GNB1: variants seen among roughly 807,000 people sequenced by gnomAD.
The protein encoded by GNB1 is guanine nucleotide-binding protein G(I)/G(S)/G(T) subunit beta-1.
A neutral mutation model predicts 42.9 loss-of-function variants in GNB1; 2 were observed. That is an observed-to-expected ratio of 0.05 (90% CI 0.02 to 0.15). The LOEUF is 0.15. GNB1 is among the 10% of genes least tolerant of loss of function. GNB1 has a pLI of 1.00. For missense variants in GNB1, 193 were observed against 462.2 expected (o/e 0.42, Z 5.34); for synonymous variants, 183 against 174.7 (o/e 1.05, Z -0.38).
In GNB1 at chr1:1,848,357, C is replaced by CA. The variant is rs56979938; in HGVS notation, c.-95-9120dup. ...CTGAGCCATTGCACTCCAGCCCAGG[C>CA]AAAAAAAAAAAAAAAAAGAAAAAGA... On this transcript the variant is annotated intron_variant, in intron 1 of 11. Transcript: ENST00000378609. 7.1e-3 allele frequency among the ~76,000 whole-genome samples: 667 copies of CA among 94,268 alleles called. 5 individuals are homozygous for CA. The highest frequency in any genetic ancestry group is 0.031 in the South Asian group (95 of 3,098). The allele number at this position is 94,268 out of a possible 152,430, so 61.8% of individuals were successfully genotyped here.
At chr1:1,809,095 C>G (rs1278568904) in intron 5 of GNB1, among the ~76,000 whole-genome samples, 1 of 151,488 alleles carries the variant, frequency 6.6e-6, no homozygotes, top group Non-Finnish European at 1.5e-5. Flanking sequence ...AGTTTAAGAA[C>G]AAATAAAAAC....
At chr1:1,809,736 G>C (rs1184635190) in intron 5 of GNB1, among the ~76,000 whole-genome samples, 1 of 152,140 alleles carries the variant, frequency 6.6e-6, no homozygotes, top group Non-Finnish European at 1.5e-5. Context: ...CAGAAGGTGA[G>C]AGAAGACATG....
Position 1,806,550 on chromosome 1 carries a change from G to C in GNB1, c.204-12C>G, listed in dbSNP as rs1276104214. ...CACTGACGAGAAGCCTGGAGGGACA[G>C]ACAAAAGCAAACCTATCAGTACCGC... On this transcript the variant is annotated splice_polypyrimidine_tract_variant and intron_variant, in intron 5 of 11. Coordinates refer to ENST00000378609, the MANE Select transcript of GNB1 (RefSeq NM_002074.5). 3 of 1,593,998 alleles carry C rather than the reference G, an allele frequency of 1.9e-6. No individual in the cohort carries two copies. The Admixed American group carries it at 5.0e-5, about 27-fold the overall frequency.
At chr1:1,847,005 A>G (rs1647703755) in intron 1 of GNB1, among the ~76,000 whole-genome samples, 2 of 152,218 alleles carry the variant, frequency 1.3e-5, no homozygotes, top group Non-Finnish European at 2.9e-5. Flanking sequence ...CCCAGATGCC[A>G]TGAAGAAAAT....
chr1:1,855,961 C>T (rs567071024), intron 1 of GNB1, among the ~76,000 whole-genome samples: 1 of 152,366 alleles, frequency 6.6e-6, no homozygotes, highest in Non-Finnish European at 1.5e-5. Flanking sequence ...TACCTTTTCA[C>T]CACTGTGTTC....
intron 1 of GNB1, among the ~76,000 whole-genome samples, chr1:1,845,962 T>A (rs1311770401): frequency 6.6e-6 from 1 of 151,672 alleles, no homozygotes; most frequent in Non-Finnish European, 1.5e-5. Flanking sequence ...TAAAAACGGT[T>A]CCCTTTAAAA....
At chr1:1,874,297 T>A (rs1048381913) in intron 1 of GNB1, among the ~76,000 whole-genome samples, 44 of 152,036 alleles carry the variant, frequency 2.9e-4, no homozygotes, top group Non-Finnish European at 5.6e-4. Context: ...GGCAAAACCC[T>A]GTCTCTACTA....
chr1:1,836,957 G>C (rs1647159663), intron 2 of GNB1, among the ~76,000 whole-genome samples: 3 of 151,516 alleles, frequency 2.0e-5, no homozygotes, highest in Admixed American at 2.0e-4. Context: ...AAAGTGCTGG[G>C]ATTACAGGTG....
At chr1:1,842,282 T>C (rs897545602) in intron 1 of GNB1, among the ~76,000 whole-genome samples, 13 of 152,110 alleles carry the variant, frequency 8.5e-5, no homozygotes, top group African/African-American at 2.6e-4. Context: ...TACAAAAAAT[T>C]AGCCGGGCAT....
chr1:1,862,916 T>C (rs987471589), intron 1 of GNB1, among the ~76,000 whole-genome samples: 3 of 152,124 alleles, frequency 2.0e-5, no homozygotes, highest in Non-Finnish European at 4.4e-5. Flanking sequence ...TGAACTGCAG[T>C]GGTGCTGAAG....
intron 1 of GNB1, among the ~76,000 whole-genome samples, chr1:1,865,215 T>C (rs1648860008): frequency 7.3e-6 from 1 of 137,310 alleles, no homozygotes; most frequent in Admixed American, 7.9e-5. Context: ...TGAGCAGAGA[T>C]CACGCCACAG....
chr1:1,874,830 G>A (rs1288011628), intron 1 of GNB1, among the ~76,000 whole-genome samples: 6 of 151,660 alleles, frequency 4.0e-5, no homozygotes, highest in East Asian at 1.9e-4. Flanking sequence ...CCTGAGCTTC[G>A]TTCTGTGAAG....
chr1:1,815,711 G>A (rs759899965), intron 5 of GNB1, 45 bp downstream of exon 5: 1 of 1,003,714 alleles, frequency 1.0e-6, no homozygotes, highest in East Asian at 2.4e-5. Flanking sequence ...CAACAGAGCA[G>A]CCCCTGAATG....
chr1:1,877,906 T>A (rs1649637781), intron 1 of GNB1, among the ~76,000 whole-genome samples: 2 of 152,230 alleles, frequency 1.3e-5, no homozygotes, highest in Non-Finnish European at 2.9e-5. Flanking sequence ...AAACTGTTGG[T>A]AACTGTTTTC....
intron 1 of GNB1, among the ~76,000 whole-genome samples, chr1:1,863,183 G>A (rs999848784): frequency 4.6e-5 from 7 of 152,138 alleles, no homozygotes; most frequent in African/African-American, 1.7e-4. Flanking sequence ...GGGCTGTAGA[G>A]GTTTTCCAAC....
Position 1,804,442 on chromosome 1 carries a change from C to G in GNB1, c.407G>C (p.Ser136Thr), listed in dbSNP as rs1231913780. The change falls in exon 7 of 12, where the codon AGT (serine) becomes ACT (threonine). Residue 136 changes from serine (S) to threonine (T), a missense_variant. Coordinates refer to ENST00000378609, the MANE Select transcript of GNB1 (RefSeq NM_002074.5). The part of the protein sequence containing the change: ...LKTREGNVRV[S>T]RELAGHTGYL... ...ACCTGTGTGTCCTGCCAGCTCACGA[C>G]TCACGCGCACGTTCCCCTCACGAGT... The G allele has an allele frequency of 6.2e-7, 1 of 1,613,768 alleles. No homozygotes were observed. Among genetic ancestry groups the G allele is most frequent in the Non-Finnish European group, 8.5e-7 (1 of 1,179,830 alleles).
intron 4 of GNB1, 168 bp downstream of exon 4, chr1:1,817,668 CT>C (rs1320052223): frequency 7.3e-6 from 4 of 545,990 alleles, no homozygotes; most frequent in Non-Finnish European, 1.3e-5. Context: ...CAATAAGCCC[CT>C]CTATTTCCTA....
At chr1:1,866,736 C>T (rs1194880) in intron 1 of GNB1, among the ~76,000 whole-genome samples, 5 of 151,572 alleles carry the variant, frequency 3.3e-5, no homozygotes, top group Non-Finnish European at 4.4e-5. Context: ...GGGCAGATCA[C>T]GAGGTCAGGA....
intron 1 of GNB1, among the ~76,000 whole-genome samples, chr1:1,852,646 T>C (rs1227817742): frequency 6.6e-6 from 1 of 151,192 alleles, no homozygotes; most frequent in Non-Finnish European, 1.5e-5. Flanking sequence ...AGCGAGCCAC[T>C]GTATGTCAGC....
Sources: gnomAD v4.1 joint callset for allele counts (sites outside exome capture counted in the v4.1 genomes callset) on GRCh38, gnomAD v4.1.1 for gene constraint, MANE v1.5 for transcripts, NCBI Gene and HGNC (gene_info 2026-07-23, HGNC 2026-07-21) for gene names.